SPATA6: variants seen among roughly 807,000 people sequenced by gnomAD.
SPATA6 encodes spermatogenesis associated 6.
In SPATA6, 56 loss-of-function variants were observed where a neutral mutation model predicts 65.3. The ratio of observed to expected loss-of-function variants is 0.86; its 90% CI spans 0.69 to 1.07. SPATA6 has a LOEUF of 1.07. SPATA6 is among the 50% of genes least tolerant of loss of function. The pLI, the probability that SPATA6 is intolerant of heterozygous loss-of-function variation, is 0.00. For missense variants in SPATA6, 590 were observed against 594.8 expected, an observed-to-expected ratio of 0.99 and a Z score of 0.08; for synonymous variants, 199 against 213.2, an observed-to-expected ratio of 0.93 and a Z score of 0.58.
intron 7 of SPATA6, among the ~76,000 whole-genome samples, chr1:48,396,573 T>C (rs1172876994): frequency 6.6e-6 from 1 of 151,732 alleles, no homozygotes; most frequent in Non-Finnish European, 1.5e-5. Context: ...TAAGAGAATA[T>C]TATTCAACGG....
chr1:48,326,398 GA>G (rs1645761097), intron 11 of SPATA6, among the ~76,000 whole-genome samples: 1 of 151,610 alleles, frequency 6.6e-6, no homozygotes. Context: ...GGTGCATTAG[GA>G]TCAGTTATGT....
At chr1:48,365,274 C>A (rs12354116) in intron 9 of SPATA6, among the ~76,000 whole-genome samples, 6 of 151,918 alleles carry the variant, frequency 3.9e-5, no homozygotes, top group African/African-American at 1.5e-4. Flanking sequence ...ATTGACTTGG[C>A]GATGCGGGCT....
At chr1:48,322,724 A>G (rs535677737) in intron 11 of SPATA6, among the ~76,000 whole-genome samples, 29 of 152,354 alleles carry the variant, frequency 1.9e-4, no homozygotes, top group African/African-American at 4.6e-4. Context: ...AATTTACAAG[A>G]AAACAAACAA....
At chr1:48,290,073 A>C in the SPATA6 span, among the ~76,000 whole-genome samples, 2 of 152,254 alleles carry the variant, frequency 1.3e-5, no homozygotes, top group African/African-American at 4.8e-5. Context: ...GTTGAAATGA[A>C]GGAAAAAATG....
At chr1:48,346,089 C>T (rs1255065679) in intron 11 of SPATA6, among the ~76,000 whole-genome samples, 1 of 152,080 alleles carries the variant, frequency 6.6e-6, no homozygotes, top group Non-Finnish European at 1.5e-5. Context: ...CAACAAAATA[C>T]TAGAAAACTG....
At chr1:48,311,061 T>C (rs1310461443) in intron 11 of SPATA6, among the ~76,000 whole-genome samples, 1 of 152,002 alleles carries the variant, frequency 6.6e-6, no homozygotes, top group African/African-American at 2.4e-5. Flanking sequence ...TAAAACTTAA[T>C]AATGAAAATG....
At chr1:48,468,272 A>C (rs983133685) in intron 1 of SPATA6, among the ~76,000 whole-genome samples, 9 of 152,176 alleles carry the variant, frequency 5.9e-5, no homozygotes, top group African/African-American at 2.2e-4. Context: ...CCAGTACTTA[A>C]ACTTCACATT....
rs552297662 is a variant in SPATA6 at position 48,442,067 on chromosome 1, A to G, written c.238+9485T>C. On this transcript the variant is annotated intron_variant, in intron 3 of 12. Transcript: ENST00000371847. ...CTTACGCTGCCCAAGAGGATCTCTT[A>G]GAAGTCCCCTTAGCTAATCATGACC... 2.0e-5 allele frequency among the ~76,000 whole-genome samples: 3 copies of G among 152,342 alleles called. No individual in the cohort carries two copies. In the South Asian group the frequency reaches 6.2e-4, roughly 32 times the overall value.
At chr1:48,355,813 T>C (rs574746911) in intron 10 of SPATA6, 44 bp from the exon 11 acceptor site, 1 of 1,463,220 alleles carries the variant, frequency 6.8e-7, no homozygotes, top group East Asian at 2.3e-5. Context: ...TAAAATCAGG[T>C]AATGATTCTA....
intron 1 of SPATA6, among the ~76,000 whole-genome samples, chr1:48,463,198 C>T (rs1657575037): frequency 6.6e-6 from 1 of 152,110 alleles, no homozygotes; most frequent in South Asian, 2.1e-4. Flanking sequence ...TGAGCCAATC[C>T]CCATAATAAA....
chr1:48,319,600 G>A (rs1645541084), intron 11 of SPATA6, among the ~76,000 whole-genome samples: 3 of 152,288 alleles, frequency 2.0e-5, no homozygotes, highest in African/African-American at 7.2e-5. Context: ...CTGGCGCAGA[G>A]CTAGGAAAGG....
chr1:48,447,392 A>G (rs907762936), intron 3 of SPATA6, among the ~76,000 whole-genome samples: 1 of 152,068 alleles, frequency 6.6e-6, no homozygotes, highest in Admixed American at 6.6e-5. Context: ...GGTGTCACGC[A>G]CCTGTAGTCC....
intron 3 of SPATA6, among the ~76,000 whole-genome samples, chr1:48,432,971 C>G (rs909729810): frequency 6.6e-6 from 1 of 152,106 alleles, no homozygotes; most frequent in Non-Finnish European, 1.5e-5. Flanking sequence ...AATTCTGACA[C>G]GTTACAACAT....
At chr1:48,416,419 A>T (rs539039239) in intron 3 of SPATA6, among the ~76,000 whole-genome samples, 27 of 152,300 alleles carry the variant, frequency 1.8e-4, no homozygotes, top group African/African-American at 5.5e-4. Context: ...TCCTACAAAA[A>T]GAAAACATTT....
chr1:48,446,949 G>A (rs1343968593), intron 3 of SPATA6, among the ~76,000 whole-genome samples: 1 of 152,042 alleles, frequency 6.6e-6, no homozygotes, highest in African/African-American at 2.4e-5. Flanking sequence ...TGCTACCACT[G>A]AGACGCGAGA....
intron 11 of SPATA6, among the ~76,000 whole-genome samples, chr1:48,352,283 G>T (rs945114983): frequency 6.6e-6 from 1 of 151,974 alleles, no homozygotes; most frequent in Non-Finnish European, 1.5e-5. Flanking sequence ...CTCCCACAGG[G>T]TCCCTCCCAC....
At chr1:48,376,528 T>A (rs867579972) in intron 9 of SPATA6, among the ~76,000 whole-genome samples, 40 of 140,990 alleles carry the variant, frequency 2.8e-4, no homozygotes, top group African/African-American at 7.2e-4. Context: ...TCCTGGAATT[T>A]AAAAAAAAAA....
intron 5 of SPATA6, among the ~76,000 whole-genome samples, chr1:48,404,715 G>A (rs1335012868): frequency 6.6e-6 from 1 of 152,044 alleles, no homozygotes; most frequent in Non-Finnish European, 1.5e-5. Flanking sequence ...AAACAGAAAA[G>A]ATAAGTCTCT....
chr1:48,320,340 A>G (rs1018324527), intron 11 of SPATA6, among the ~76,000 whole-genome samples: 2 of 152,210 alleles, frequency 1.3e-5, no homozygotes, highest in Non-Finnish European at 2.9e-5. Flanking sequence ...AATACCAAAG[A>G]TACAGAAAAG....
Sources: gnomAD v4.1 joint callset for allele counts (sites outside exome capture counted in the v4.1 genomes callset) on GRCh38, gnomAD v4.1.1 for gene constraint, MANE v1.5 for transcripts, NCBI Gene and HGNC (gene_info 2026-07-23, HGNC 2026-07-21) for gene names.